The following ZNF710 variants were observed in gnomAD, a reference collection of about 807,000 sequenced individuals.
ZNF710 encodes zinc finger protein 710.
A neutral mutation model predicts 50.6 loss-of-function variants in ZNF710; 13 were observed. The observed-to-expected ratio is 0.26, with a 90% CI of 0.17 to 0.41. The LOEUF (loss-of-function observed/expected upper bound fraction) is 0.41, where lower values mean the gene tolerates loss of function less well. ZNF710 is among the 10% of genes least tolerant of loss of function. The pLI is 1.00. For missense variants in ZNF710, 721 were observed against 936.6 expected (o/e 0.77, Z 3.01); for synonymous variants, 383 against 397.0 (o/e 0.96, Z 0.42).
Position 90,001,613 on chromosome 15 carries a change from G to C in ZNF710, c.-30G>C, listed in dbSNP as rs893196444. ...AGCGCAGGAGCCGCGCCCGGACCCA[G>C]GGTGAGTGTCCCGCGCGGCCCCCCG... is the stretch of plus-strand genomic sequence containing the variant. On this transcript the variant is annotated splice_region_variant and 5_prime_UTR_variant, in exon 1 of 5. Transcript: ENST00000268154. The C allele has an allele frequency of 6.9e-6, 1 of 144,808 alleles. No individual in the cohort carries two copies. The highest frequency in any genetic ancestry group is 6.8e-5 in the Admixed American group (1 of 14,608). 9.0% of individuals were successfully genotyped at this position (144,808 alleles called of 1,614,324 possible).
At chr15:90,016,473 A>G (rs911252783) in intron 1 of ZNF710, among the ~76,000 whole-genome samples, 1 of 152,040 alleles carries the variant, frequency 6.6e-6, no homozygotes, top group Non-Finnish European at 1.5e-5. Context: ...GACAGGTCTC[A>G]CTCTGTCACC....
chr15:90,022,269 A>G (rs1278703618), intron 1 of ZNF710, among the ~76,000 whole-genome samples: 5 of 133,636 alleles, frequency 3.7e-5, no homozygotes, highest in African/African-American at 5.6e-5. Context: ...CCAGCTACTC[A>G]GGAGGCTGAG....
chr15:90,038,107 C>T (rs1899185179), intron 1 of ZNF710, among the ~76,000 whole-genome samples: 1 of 152,210 alleles, frequency 6.6e-6, no homozygotes, highest in South Asian at 2.1e-4. Context: ...TGGTTTGGAC[C>T]AGCCTTGCCC....
rs1899951400 is a variant in ZNF710 at position 90,059,904 on chromosome 15, C to T, written c.-28-7206C>T. 6.6e-6 allele frequency among the ~76,000 whole-genome samples: 1 copy of T among 152,216 alleles called. No individual in the cohort carries two copies. Among genetic ancestry groups the T allele is most frequent in the African/African-American group, 2.4e-5 (1 of 41,462 alleles). On this transcript the variant is annotated intron_variant, in intron 1 of 4. Transcript: ENST00000268154. This position sits in a 1 kb window ranked among gnomAD's most constrained non-coding sequence, Gnocchi z 4.1. ...CTGGAACTTCCTCTTCTCCTCCCAC[C>T]TGGTTACCTGTCCCGCCCACTCCAG...
chr15:90,052,821 T>C (rs1230897719), intron 1 of ZNF710, among the ~76,000 whole-genome samples: 1 of 152,144 alleles, frequency 6.6e-6, no homozygotes. Context: ...TAATTCCAGC[T>C]ACTTGGGAGG....
chr15:90,014,658 G>A (rs1898402493), intron 1 of ZNF710, among the ~76,000 whole-genome samples: 1 of 151,976 alleles, frequency 6.6e-6, no homozygotes, highest in African/African-American at 2.4e-5. Flanking sequence ...CTTGGAGAAA[G>A]TACTTTCTAA....
chr15:90,046,011 C>G (rs902339302), intron 1 of ZNF710, among the ~76,000 whole-genome samples: 1 of 152,130 alleles, frequency 6.6e-6, no homozygotes, highest in African/African-American at 2.4e-5. Flanking sequence ...CCCCCAGGGC[C>G]ACAGAGAAAG....
intron 1 of ZNF710, among the ~76,000 whole-genome samples, chr15:90,039,893 C>T (rs1194028576): frequency 6.6e-6 from 1 of 152,222 alleles, no homozygotes; most frequent in Non-Finnish European, 1.5e-5. Flanking sequence ...CCAAAGTCCC[C>T]TCTTCGAGTC....
At chr15:90,071,910 G>C (rs752483322) in intron 2 of ZNF710, among the ~76,000 whole-genome samples, 18 of 152,056 alleles carry the variant, frequency 1.2e-4, no homozygotes, top group Non-Finnish European at 2.2e-4. Flanking sequence ...TCCTGACCTT[G>C]TGATCTGCCC....
chr15:90,036,867 G>A (rs115351391), intron 1 of ZNF710, among the ~76,000 whole-genome samples: 2,802 of 152,306 alleles, frequency 0.018, 86 homozygotes, highest in African/African-American at 0.063. Context: ...CCCATCTCCA[G>A]CCACTGTTCC....
chr15:90,007,164 C>T (rs1356637705), intron 1 of ZNF710, among the ~76,000 whole-genome samples: 4 of 152,136 alleles, frequency 2.6e-5, no homozygotes, highest in East Asian at 3.9e-4. Flanking sequence ...CTTAAGGTGA[C>T]CCTGGGAGGA....
At chr15:90,028,498 G>A (rs1345274731) in intron 1 of ZNF710, among the ~76,000 whole-genome samples, 1 of 152,194 alleles carries the variant, frequency 6.6e-6, no homozygotes, top group Non-Finnish European at 1.5e-5. Context: ...CCTGTGCTGG[G>A]AGTTTACCAA....
At chr15:90,027,541 A>T (rs114239799) in intron 1 of ZNF710, among the ~76,000 whole-genome samples, 2,318 of 152,224 alleles carry the variant, frequency 0.015, 63 homozygotes, top group African/African-American at 0.052. Flanking sequence ...GATCCTATAT[A>T]TAGATTAGTT....
At chr15:90,026,031 G>A (rs1210124754) in intron 1 of ZNF710, 1 of 151,584 alleles carries the variant, frequency 6.6e-6, no homozygotes, top group Non-Finnish European at 1.5e-5. Flanking sequence ...TTCAGCCTGA[G>A]TGCTTAGGAA....
At chr15:90,000,296 G>T (rs974979802), upstream of ZNF710, among the ~76,000 whole-genome samples, 1 of 152,254 alleles carries the variant, frequency 6.6e-6, no homozygotes, top group African/African-American at 2.4e-5. Context: ...GCCCTGCGTT[G>T]CAGTCGAGAA....
chr15:90,023,241 A>G (rs1898674489), intron 1 of ZNF710, among the ~76,000 whole-genome samples: 1 of 152,220 alleles, frequency 6.6e-6, no homozygotes, highest in Non-Finnish European at 1.5e-5. Flanking sequence ...CCTAAGACCT[A>G]CCAGAAAAGT....
At chr15:90,019,187 C>CTTTTTTTTTTTTT (rs11285838) in intron 1 of ZNF710, among the ~76,000 whole-genome samples, 62 of 89,394 alleles carry the variant, frequency 6.9e-4, no homozygotes, top group African/African-American at 1.2e-3. Flanking sequence ...CTTTTTCTTT[C>CTTTTTTTTTTTTT]TTTTTTTTTT....
At chr15:90,005,549 A>G (rs891485656) in intron 1 of ZNF710, among the ~76,000 whole-genome samples, 4 of 152,126 alleles carry the variant, frequency 2.6e-5, no homozygotes, top group African/African-American at 9.7e-5. Flanking sequence ...CCTGGCTTCA[A>G]GCGATTCTCC....
chr15:90,032,770 C>A (rs1596277438), intron 1 of ZNF710, among the ~76,000 whole-genome samples: 3 of 90,754 alleles, frequency 3.3e-5, no homozygotes, highest in Non-Finnish European at 4.2e-5. Context: ...AGTGAGATTC[C>A]ATCTCAAAAA....
Sources: allele counts gnomAD v4.1 joint callset (sites outside exome capture counted in the v4.1 genomes callset), GRCh38; gene constraint gnomAD v4.1.1; non-coding constraint Gnocchi (gnomAD v3.1); transcripts MANE v1.5; gene names NCBI Gene and HGNC (gene_info 2026-07-23, HGNC 2026-07-21).